The following PALLD variants were observed in gnomAD, a reference collection of about 807,000 sequenced individuals.
PALLD encodes the protein palladin.
Under a neutral mutation model 123.5 loss-of-function variants are expected in PALLD, and 61 were observed. That is an observed-to-expected ratio of 0.49 (90% confidence interval 0.40 to 0.61). The LOEUF is 0.61. Among genes scored for constraint, PALLD ranks in the 20% least tolerant of loss-of-function variants. PALLD has a pLI of 0.00. For synonymous variants in PALLD, 465 were observed against 496.4 expected, an observed-to-expected ratio of 0.94 and a Z score of 0.84; for missense variants, 1,273 against 1,377.0, an observed-to-expected ratio of 0.92 and a Z score of 1.20.
chr4:168,864,670 C>A (rs1750005491), intron 10 of PALLD: 1 of 152,174 alleles, frequency 6.6e-6, no homozygotes, highest in Admixed American at 6.5e-5. Flanking sequence ...ACAGTATAAT[C>A]ATGAAATCCA....
At chr4:168,747,191 C>A (rs1011938824) in intron 10 of PALLD, among the ~76,000 whole-genome samples, 1 of 152,236 alleles carries the variant, frequency 6.6e-6, no homozygotes, top group Non-Finnish European at 1.5e-5. Flanking sequence ...GTTTCTCATA[C>A]TGTGTTGGTG....
At chr4:168,854,266 G>A (rs560168108) in intron 10 of PALLD, among the ~76,000 whole-genome samples, 1 of 152,160 alleles carries the variant, frequency 6.6e-6, no homozygotes, top group Non-Finnish European at 1.5e-5. Flanking sequence ...GAGAAAGACT[G>A]GTAGTGGGAG....
chr4:168,871,254 T>C (rs1751033649), intron 10 of PALLD, among the ~76,000 whole-genome samples: 1 of 152,214 alleles, frequency 6.6e-6, no homozygotes, highest in Non-Finnish European at 1.5e-5. Context: ...AATGAAAAGT[T>C]GGGGAAACAT....
chr4:168,577,766 C>T (rs549662797), intron 2 of PALLD, among the ~76,000 whole-genome samples: 2 of 148,028 alleles, frequency 1.4e-5, no homozygotes, highest in Admixed American at 6.6e-5. Flanking sequence ...TTGACCATTA[C>T]GCAAAAGAGG....
intron 2 of PALLD, among the ~76,000 whole-genome samples, chr4:168,587,987 C>T (rs1284061489): frequency 1.3e-5 from 2 of 151,992 alleles, no homozygotes; most frequent in East Asian, 3.9e-4. Context: ...TGCCTTTCTC[C>T]AGGGCTAAAC....
At chr4:168,726,094 A>G (rs1396335499) in intron 10 of PALLD, among the ~76,000 whole-genome samples, 1 of 152,256 alleles carries the variant, frequency 6.6e-6, no homozygotes, top group African/African-American at 2.4e-5. Context: ...AACAACAGCA[A>G]GAGTTTCACT....
In PALLD at chr4:168,894,292, A is replaced by T. The variant is rs1022166839; in HGVS notation, c.2101-287A>T. ...TTTTTTTCCATGTTTTTCATTAAGG[A>T]CATGACAAATCTTTTCTGTGTGGTT... On this transcript the variant is annotated intron_variant, in intron 11 of 21. Coordinates refer to ENST00000505667, the MANE Select transcript of PALLD (RefSeq NM_001166108.2). 3 of 437,720 alleles carry T rather than the reference A, an allele frequency of 6.9e-6. No homozygotes were observed. In the East Asian group the frequency reaches 1.3e-4, roughly 20 times the overall value. The allele number at this position is 437,720 out of a possible 1,614,324, so 27.1% of individuals were successfully genotyped here.
At chr4:168,509,429 C>T (rs1459152673) in intron 1 of PALLD, among the ~76,000 whole-genome samples, 1 of 152,066 alleles carries the variant, frequency 6.6e-6, no homozygotes, top group Non-Finnish European at 1.5e-5. Flanking sequence ...ATACCTTTGC[C>T]TTTTCAAAAT....
intron 10 of PALLD, among the ~76,000 whole-genome samples, chr4:168,822,432 A>G (rs1010751573): frequency 6.6e-6 from 1 of 152,132 alleles, no homozygotes; most frequent in Admixed American, 6.6e-5. Flanking sequence ...AAGCTCTGGG[A>G]GAGGTGGCTG....
chr4:168,665,154 A>C (rs1167960376), intron 2 of PALLD, among the ~76,000 whole-genome samples: 3 of 152,208 alleles, frequency 2.0e-5, no homozygotes, highest in African/African-American at 7.2e-5. Flanking sequence ...TGTTTCTGAG[A>C]TCACAGGCCC....
chr4:168,924,922 A>T (rs939449621), intron 19 of PALLD, 23 bp from the exon 20 acceptor site: 1 of 1,613,768 alleles, frequency 6.2e-7, no homozygotes, highest in African/African-American at 1.3e-5. Context: ...TTAGAACCCT[A>T]ATGACTTTAT....
intron 3 of PALLD, among the ~76,000 whole-genome samples, chr4:168,679,676 T>C (rs1371837782): frequency 6.6e-6 from 1 of 151,966 alleles, no homozygotes; most frequent in Non-Finnish European, 1.5e-5. Flanking sequence ...TCCAAGAAGT[T>C]CTGGCAGATA....
At chr4:168,778,749 A>G (rs1735510441) in intron 10 of PALLD, among the ~76,000 whole-genome samples, 1 of 152,252 alleles carries the variant, frequency 6.6e-6, no homozygotes, top group African/African-American at 2.4e-5. Context: ...AGAGAGACTG[A>G]GCACCTTGTC....
chr4:168,566,102 A>G (rs1204867451), intron 2 of PALLD, among the ~76,000 whole-genome samples: 2 of 152,108 alleles, frequency 1.3e-5, no homozygotes, highest in Non-Finnish European at 2.9e-5. Context: ...CACTTAGCCA[A>G]TCTCTTTGGC....
chr4:168,897,988 T>C (rs995759873), intron 13 of PALLD: 2 of 153,036 alleles, frequency 1.3e-5, no homozygotes, highest in Non-Finnish European at 2.9e-5. Context: ...TATTATTCTT[T>C]TACTATTTTT....
chr4:168,573,324 A>C (rs1769189029), intron 2 of PALLD, among the ~76,000 whole-genome samples: 1 of 151,758 alleles, frequency 6.6e-6, no homozygotes, highest in South Asian at 2.1e-4. Context: ...TTAATTGTGT[A>C]GCATTTACCA....
chr4:168,888,596 C>A (rs1310362406), intron 10 of PALLD, among the ~76,000 whole-genome samples: 1 of 152,136 alleles, frequency 6.6e-6, no homozygotes, highest in Non-Finnish European at 1.5e-5. Flanking sequence ...CCTTCTGTTT[C>A]TTTTCAGAGA....
chr4:168,581,830 T>C (rs1770314409), intron 2 of PALLD, among the ~76,000 whole-genome samples: 1 of 152,126 alleles, frequency 6.6e-6, no homozygotes, highest in Admixed American at 6.6e-5. Context: ...CAAAAAATCA[T>C]TGCCTAACCA....
intron 10 of PALLD, among the ~76,000 whole-genome samples, chr4:168,804,440 A>T (rs887299740): frequency 5.4e-5 from 8 of 147,688 alleles, no homozygotes; most frequent in Non-Finnish European, 7.6e-5. Context: ...AATACATAGT[A>T]GTTTAAAAAA....
Sources: allele counts gnomAD v4.1 joint callset (sites outside exome capture counted in the v4.1 genomes callset), GRCh38; gene constraint gnomAD v4.1.1; transcripts MANE v1.5; gene names NCBI Gene and HGNC (gene_info 2026-07-23, HGNC 2026-07-21).